The following ELMO1 variants were observed in gnomAD, a reference collection of about 807,000 sequenced individuals.
ELMO1 encodes engulfment and cell motility 1, also known as engulfment and cell motility protein 1.
ELMO1 carries 26 observed loss-of-function variants against 98.9 expected under a neutral mutation model. The ratio of observed to expected loss-of-function variants is 0.26; its 90% CI spans 0.19 to 0.36. The LOEUF is 0.36. ELMO1 is among the 10% of genes least tolerant of loss of function. The pLI, the probability that ELMO1 is intolerant of heterozygous loss-of-function variation, is 1.00. For synonymous variants in ELMO1, 346 were observed against 346.0 expected, an observed-to-expected ratio of 1.00 and a Z score of 0.00; for missense variants, 627 against 935.2, an observed-to-expected ratio of 0.67 and a Z score of 4.30.
rs1562790341 is a variant in ELMO1 at position 36,877,996 on chromosome 7, G to A, written c.1822+14C>T. On this transcript the variant is annotated intron_variant, in intron 19 of 21. Transcript: ENST00000310758. The stretch of plus-strand genomic sequence containing the variant: ...CGACCACCACTCAGGCCTCTGCCAA[G>A]GAGAGCTACTTACGTTTGTCCTGCA... 6.2e-7 allele frequency: 1 copy of A among 1,604,188 alleles called. No individual in the cohort carries two copies.
intron 16 of ELMO1, among the ~76,000 whole-genome samples, chr7:36,921,366 C>T (rs1011640497): frequency 6.6e-6 from 1 of 152,182 alleles, no homozygotes; most frequent in African/African-American, 2.4e-5. Context: ...AGTTATTAAA[C>T]CTCTCTTGGC....
At chr7:36,906,061 G>C (rs1262951139) in intron 16 of ELMO1, among the ~76,000 whole-genome samples, 1 of 152,182 alleles carries the variant, frequency 6.6e-6, no homozygotes, top group Non-Finnish European at 1.5e-5. Flanking sequence ...AGACCACAGG[G>C]GAAATGAGGT....
chr7:36,898,161 G>T (rs930622942), intron 16 of ELMO1, among the ~76,000 whole-genome samples: 1 of 152,228 alleles, frequency 6.6e-6, no homozygotes, highest in African/African-American at 2.4e-5. Flanking sequence ...GTTTACAACT[G>T]ATAGCTTTAT....
chr7:36,954,901 C>A (rs141629923), intron 16 of ELMO1, among the ~76,000 whole-genome samples: 1 of 152,162 alleles, frequency 6.6e-6, no homozygotes, highest in Non-Finnish European at 1.5e-5. Flanking sequence ...TTTTTACAAG[C>A]GTACCAGGTG....
chr7:36,856,196 T>C (rs1355838074), intron 21 of ELMO1, among the ~76,000 whole-genome samples: 2 of 152,232 alleles, frequency 1.3e-5, no homozygotes, highest in East Asian at 3.9e-4. Flanking sequence ...ACTCCAGTCA[T>C]GGCTCCTAGT....
chr7:37,033,321 G>A, intron 15 of ELMO1: 1 of 449,792 alleles, frequency 2.2e-6, no homozygotes, highest in East Asian at 7.0e-5. Flanking sequence ...AATAAAAGGG[G>A]ATAAAAATAC....
At chr7:37,282,132 T>G (rs775129971) in intron 4 of ELMO1, among the ~76,000 whole-genome samples, 7 of 152,202 alleles carry the variant, frequency 4.6e-5, no homozygotes, top group Admixed American at 1.3e-4. Context: ...GTCAGATAAA[T>G]GAAGAATTAT....
chr7:37,427,421 G>A (rs1274610710), intron 1 of ELMO1, among the ~76,000 whole-genome samples: 1 of 152,172 alleles, frequency 6.6e-6, no homozygotes, highest in Admixed American at 6.5e-5. Flanking sequence ...CTCAGTCTGG[G>A]TCAGCAGTGA....
chr7:37,353,649 C>G (rs1445954563), intron 1 of ELMO1: 1 of 152,180 alleles, frequency 6.6e-6, no homozygotes, highest in African/African-American at 2.4e-5. Context: ...CTGCTACTGG[C>G]TCAGGTGACC....
intron 13 of ELMO1, among the ~76,000 whole-genome samples, chr7:37,179,520 G>A (rs552237777): frequency 1.7e-3 from 253 of 152,096 alleles, no homozygotes; most frequent in African/African-American, 5.4e-3. Flanking sequence ...CTTGTGATCC[G>A]CCTGCCTCGG....
intron 14 of ELMO1, among the ~76,000 whole-genome samples, chr7:37,115,160 C>A (rs956440020): frequency 6.6e-6 from 1 of 152,082 alleles, no homozygotes. Flanking sequence ...TTGGTGAATT[C>A]TATAACATAT....
chr7:37,016,277 T>G (rs1471014831), intron 15 of ELMO1, among the ~76,000 whole-genome samples: 2 of 152,166 alleles, frequency 1.3e-5, no homozygotes, highest in South Asian at 4.2e-4. Context: ...GATAATTCGT[T>G]GGGTACATAT....
At chr7:37,258,584 C>G (rs182356120) in intron 6 of ELMO1, among the ~76,000 whole-genome samples, 36 of 152,298 alleles carry the variant, frequency 2.4e-4, no homozygotes, top group South Asian at 1.7e-3. Context: ...AAAAAATTTT[C>G]CTTTGTTCAA....
intron 13 of ELMO1, among the ~76,000 whole-genome samples, chr7:37,155,244 C>T (rs1788652234): frequency 6.6e-6 from 1 of 152,170 alleles, no homozygotes; most frequent in Non-Finnish European, 1.5e-5. Flanking sequence ...GAAGAAACTG[C>T]ATCAATTAAT....
At chr7:37,279,864 C>T (rs1159528169) in intron 4 of ELMO1, among the ~76,000 whole-genome samples, 1 of 152,108 alleles carries the variant, frequency 6.6e-6, no homozygotes, top group Non-Finnish European at 1.5e-5. Context: ...CTGTCACGGC[C>T]GGCCTTCCCC....
At chr7:37,084,653 G>T (rs1783666522) in intron 15 of ELMO1, among the ~76,000 whole-genome samples, 2 of 152,116 alleles carry the variant, frequency 1.3e-5, no homozygotes, top group Non-Finnish European at 2.9e-5. Context: ...TGTTGCAGGG[G>T]TTAACAGAGG....
chr7:37,084,767 T>G (rs1022493610), intron 15 of ELMO1, among the ~76,000 whole-genome samples: 2 of 151,994 alleles, frequency 1.3e-5, no homozygotes, highest in African/African-American at 2.4e-5. Context: ...TCCTTTTTTT[T>G]TTTTTTTGAG....
At chr7:37,022,268 CTTGT>C (rs1478147334) in intron 15 of ELMO1, among the ~76,000 whole-genome samples, 1 of 152,046 alleles carries the variant, frequency 6.6e-6, no homozygotes, top group Non-Finnish European at 1.5e-5. Context: ...AACTCAAGAA[CTTGT>C]TTGTCAAAAT....
chr7:37,259,239 C>T lies in ELMO1; in HGVS notation c.355G>A (p.Glu119Lys). The T allele has an allele frequency of 1.2e-6, 2 of 1,614,116 alleles. No homozygotes were observed. Among genetic ancestry groups the T allele is most frequent in the Non-Finnish European group, 1.7e-6 (2 of 1,180,010 alleles). The change falls in exon 6 of 22, where the codon GAG becomes AAG. Residue 119 changes from glutamate (E) to lysine (K), a missense_variant. Glu to Lys is a moderately conservative substitution (Grantham distance 56). Transcript: ENST00000310758. ...SLSRDVTFAQ[E>K]FINLDGISLL... ...GAGATACCGTCCAGGTTTATAAACT[C>T]CTGGGCAAACGTGACATCCCGGGAG...
Sources: gnomAD v4.1 joint callset for allele counts (sites outside exome capture counted in the v4.1 genomes callset) on GRCh38, gnomAD v4.1.1 for gene constraint, MANE v1.5 for transcripts, NCBI Gene and HGNC (gene_info 2026-07-23, HGNC 2026-07-21) for gene names.